Variants in NCALD observed in about 807,000 individuals in gnomAD.
NCALD encodes the protein neurocalcin delta.
A neutral mutation model predicts 18.6 loss-of-function variants in NCALD; 10 were observed. The observed-to-expected ratio is 0.54, with a 90% CI of 0.33 to 0.91. The LOEUF (loss-of-function observed/expected upper bound fraction) is 0.91. NCALD is among the 40% of genes least tolerant of loss of function. The pLI is 0.03. For missense variants in NCALD, 184 were observed against 247.6 expected, an observed-to-expected ratio of 0.74 and a Z score of 1.72; for synonymous variants, 88 against 87.4, an observed-to-expected ratio of 1.01 and a Z score of -0.04.
intron 4 of NCALD, among the ~76,000 whole-genome samples, chr8:101,832,529 T>C (rs1348108084): frequency 6.6e-6 from 1 of 152,250 alleles, no homozygotes; most frequent in Non-Finnish European, 1.5e-5. Flanking sequence ...AATCTATGCA[T>C]GGCTGACTAA....
rs1265555741 is a variant in NCALD, at chr8:101,689,047, T to A, written c.*262A>T. 1.0e-5 allele frequency: 7 copies of A among 694,304 alleles called. No individual in the cohort carries two copies. The East Asian group carries it at 1.1e-4, about 11-fold the overall frequency. 43.0% of individuals were successfully genotyped at this position (694,304 alleles called of 1,614,324 possible). ...ACAGAGACATTAGAATAAAAAAAAA[T>A]AATAGTAACGATTAAAAATCATCAA... On this transcript the variant is annotated 3_prime_UTR_variant, in exon 4 of 4. Transcript: ENST00000220931. The surrounding 1 kb of genome is among the most constrained non-coding windows in gnomAD (Gnocchi z 4.4).
At chr8:102,021,260 C>T (rs572973766) in intron 1 of NCALD, among the ~76,000 whole-genome samples, 1 of 152,206 alleles carries the variant, frequency 6.6e-6, no homozygotes, top group South Asian at 2.1e-4. Flanking sequence ...GAGCTATCCT[C>T]AGTCCTTAGC....
chr8:101,887,394 T>C (rs1358668879), intron 3 of NCALD, among the ~76,000 whole-genome samples: 1 of 152,176 alleles, frequency 6.6e-6, no homozygotes, highest in Admixed American at 6.5e-5. Context: ...TGGTTTTTGG[T>C]TCAAAGTACT....
chr8:101,803,101 G>C (rs2131091118), intron 4 of NCALD, among the ~76,000 whole-genome samples: 1 of 152,250 alleles, frequency 6.6e-6, no homozygotes, highest in Admixed American at 6.5e-5. Context: ...TCAATGGCTG[G>C]CTTCAAGGCT....
chr8:101,861,324 T>G (rs1815533834), intron 4 of NCALD, among the ~76,000 whole-genome samples: 2 of 151,968 alleles, frequency 1.3e-5, no homozygotes, highest in Non-Finnish European at 2.9e-5. Context: ...ACTGTGGAGC[T>G]CACTAAATTC....
In NCALD at chr8:101,853,447, C is replaced by T. The variant is rs148569664; in HGVS notation, c.-20+33694G>A. Among the ~76,000 whole-genome samples the T allele has an allele frequency of 6.6e-3, 1,011 of 152,182 alleles. 6 individuals carry two copies. Among genetic ancestry groups the T allele is most frequent in the South Asian group, 0.029 (140 of 4,820 alleles). On this transcript the variant is annotated intron_variant, in intron 4 of 6. Coordinates refer to the NCALD transcript ENST00000311028. ...AATTTTGGTGTCAGAGCCTAAAAGACAGAGGGATCAAAATATTGCAGTACT... is the reference window on the plus strand; with the variant it reads ...AATTTTGGTGTCAGAGCCTAAAAGATAGAGGGATCAAAATATTGCAGTACT...
At chr8:101,970,085 T>A (rs1317416526) in intron 2 of NCALD, among the ~76,000 whole-genome samples, 1 of 152,214 alleles carries the variant, frequency 6.6e-6, no homozygotes, top group Non-Finnish European at 1.5e-5. Context: ...TCCATGAACA[T>A]TAAGTAACTT....
At position 102,084,436 on chromosome 8, in the gene NCALD, A is replaced by T. The variant is rs527566574; in HGVS notation, c.-210+39801T>A. Among the ~76,000 whole-genome samples, 11 of 152,334 alleles carry T rather than the reference A, an allele frequency of 7.2e-5. No individual in the cohort carries two copies. In the South Asian group the frequency reaches 2.1e-3, roughly 29 times the overall value. ...GCAGAAACGAAAGGAAGTCAAGTAC[A>T]CTTGGAAGAGGACCAAGGGGGCGAC... On this transcript the variant is annotated intron_variant, in intron 1 of 6. Transcript: ENST00000311028.
chr8:101,934,469 G>C lies in NCALD; in HGVS notation c.-156-18611C>G, dbSNP rs186143631. 5.9e-5 allele frequency among the ~76,000 whole-genome samples: 9 copies of C among 152,162 alleles called. No homozygotes were observed. The East Asian group carries it at 1.5e-3, about 26-fold the overall frequency. ...GAAATAAAAACAGAGCCCTGGAGGA[G>C]AGTAAGGGTTAAAGAACAAGCAGAA... is the stretch of plus-strand genomic sequence containing the variant. On this transcript the variant is annotated intron_variant, in intron 2 of 6. Transcript: ENST00000311028.
chr8:101,761,850 A>G (rs913415064), intron 1 of NCALD, among the ~76,000 whole-genome samples: 1 of 152,248 alleles, frequency 6.6e-6, no homozygotes, highest in African/African-American at 2.4e-5. Context: ...CTTCTGGGTC[A>G]TACCTTAAAA....
intron 1 of NCALD, among the ~76,000 whole-genome samples, chr8:101,738,716 C>T (rs1422232945): frequency 1.3e-5 from 2 of 152,106 alleles, no homozygotes; most frequent in Non-Finnish European, 2.9e-5. Flanking sequence ...CCCTGAATGC[C>T]AGTGCTGGCT....
At chr8:101,699,360 T>C (rs1312203910) in intron 2 of NCALD, among the ~76,000 whole-genome samples, 1 of 152,224 alleles carries the variant, frequency 6.6e-6, no homozygotes, top group African/African-American at 2.4e-5. Context: ...TGGCGATTCC[T>C]CAAGGATCTA....
At chr8:101,787,876 C>A (rs1812291415) in intron 1 of NCALD, among the ~76,000 whole-genome samples, 1 of 152,154 alleles carries the variant, frequency 6.6e-6, no homozygotes, top group Admixed American at 6.5e-5. Context: ...AAGCCACATG[C>A]ATTCTTTAAT....
rs532906447 is a variant in NCALD at position 101,819,312 on chromosome 8, A to G, written c.-20+67829T>C. Reference sequence around the variant, plus strand: ...ATTTATTTATTTATTTATTGTTCTTAGTTTAATAAATGCCAAATAGTAGCT... The same window carrying G: ...ATTTATTTATTTATTTATTGTTCTTGGTTTAATAAATGCCAAATAGTAGCT... On this transcript the variant is annotated intron_variant, in intron 4 of 6. Coordinates refer to the NCALD transcript ENST00000311028. Among the ~76,000 whole-genome samples, 3 of 142,558 alleles carry G rather than the reference A, an allele frequency of 2.1e-5. No homozygotes were observed. In the East Asian group the frequency reaches 6.3e-4, roughly 30 times the overall value. The allele number at this position is 142,558 out of a possible 152,430, so 93.5% of individuals were successfully genotyped here. A position where few individuals can be genotyped will look rare whatever the true frequency, so the allele number is the denominator to read the frequency against.
chr8:101,768,551 A>C (rs538500017), intron 1 of NCALD, among the ~76,000 whole-genome samples: 2 of 152,300 alleles, frequency 1.3e-5, no homozygotes, highest in South Asian at 4.1e-4. Flanking sequence ...TCTACTAAAA[A>C]TACAAAAATT....
chr8:101,987,391 A>G (rs1820853139), intron 2 of NCALD, among the ~76,000 whole-genome samples: 2 of 152,236 alleles, frequency 1.3e-5, no homozygotes, highest in African/African-American at 2.4e-5. Context: ...TCTGACTGAG[A>G]AAGGTGTGTC....
At chr8:102,035,835 C>G (rs1822842983) in intron 1 of NCALD, among the ~76,000 whole-genome samples, 1 of 152,148 alleles carries the variant, frequency 6.6e-6, no homozygotes. Flanking sequence ...TAGTCATGTT[C>G]TTGCAGCATT....
intron 4 of NCALD, among the ~76,000 whole-genome samples, chr8:101,885,796 A>G (rs986636760): frequency 6.6e-6 from 1 of 152,228 alleles, no homozygotes; most frequent in African/African-American, 2.4e-5. Context: ...CTCCATGCCA[A>G]GGGGAAGTGT....
At chr8:101,840,409 A>G (rs563592205) in intron 4 of NCALD, among the ~76,000 whole-genome samples, 4 of 152,328 alleles carry the variant, frequency 2.6e-5, no homozygotes, top group African/African-American at 4.8e-5. Flanking sequence ...TGTAATATAT[A>G]GCCTGAAAAA....
Sources: gnomAD v4.1 joint callset for allele counts (sites outside exome capture counted in the v4.1 genomes callset) on GRCh38, gnomAD v4.1.1 for gene constraint, Gnocchi (gnomAD v3.1) non-coding constraint, MANE v1.5 for transcripts, NCBI Gene and HGNC (gene_info 2026-07-23, HGNC 2026-07-21) for gene names.